The following CCNJL variants were observed in gnomAD, a reference collection of about 807,000 sequenced individuals.
CCNJL encodes cyclin J like, also known as cyclin-J-like protein.
In CCNJL, 33 loss-of-function variants were observed where a neutral mutation model predicts 33.4. The ratio of observed to expected loss-of-function variants is 0.99; its 90% confidence interval spans 0.75 to 1.32. The LOEUF is 1.32. Ranked by LOEUF, CCNJL falls within the 40% of genes most tolerant of loss-of-function variation. CCNJL has a pLI of 0.00. For synonymous variants in CCNJL, 227 were observed against 220.9 expected, an observed-to-expected ratio of 1.03 and a Z score of -0.24; for missense variants, 512 against 499.7, an observed-to-expected ratio of 1.02 and a Z score of -0.23.
chr5:160,278,479 T>C (rs570561917), intron 3 of CCNJL, among the ~76,000 whole-genome samples: 3 of 152,018 alleles, frequency 2.0e-5, no homozygotes, highest in Non-Finnish European at 4.4e-5. Flanking sequence ...GAGGGAAGAA[T>C]AGGATTTCAG....
At position 160,297,522 on chromosome 5, in the gene CCNJL, A is replaced by G. The variant is rs185448181; in HGVS notation, c.66+14336T>C. Among the ~76,000 whole-genome samples the G allele has an allele frequency of 4.2e-3, 633 of 152,152 alleles. 3 individuals carry two copies. Among genetic ancestry groups the G allele is most frequent in the South Asian group, 0.022 (106 of 4,820 alleles). On this transcript the variant is annotated intron_variant, in intron 2 of 5. Coordinates refer to ENST00000257536, the MANE Select transcript of CCNJL (RefSeq NM_001308173.3). The stretch of plus-strand genomic sequence containing the variant: ...AGAAACCACTTCAGAGCCCGTCTTA[A>G]AAGTAACCATGGCTGGGTGCAGTGG...
At chr5:160,288,652 C>T (rs1481903051) in intron 2 of CCNJL, among the ~76,000 whole-genome samples, 2 of 151,908 alleles carry the variant, frequency 1.3e-5, no homozygotes, top group Admixed American at 6.6e-5. Flanking sequence ...GGGCGGATCA[C>T]GAGGTCAGGA....
chr5:160,258,115 G>A (rs907111863), intron 4 of CCNJL: 4 of 303,384 alleles, frequency 1.3e-5, no homozygotes, highest in African/African-American at 8.8e-5. Flanking sequence ...CAAAGTGCTG[G>A]AATTATAAGC....
At chr5:160,260,134 C>A (rs1434214171) in intron 3 of CCNJL, among the ~76,000 whole-genome samples, 1 of 152,248 alleles carries the variant, frequency 6.6e-6, no homozygotes, top group Non-Finnish European at 1.5e-5. Flanking sequence ...TCAGCAGCAG[C>A]AGCCAGGGGC....
chr5:160,279,506 T>C (rs1443797173), intron 3 of CCNJL, among the ~76,000 whole-genome samples: 1 of 152,208 alleles, frequency 6.6e-6, no homozygotes, highest in African/African-American at 2.4e-5. Context: ...TTTCCATCCC[T>C]GAAACTTGCT....
intron 3 of CCNJL, among the ~76,000 whole-genome samples, chr5:160,272,056 G>A (rs1346038292): frequency 2.6e-5 from 4 of 152,196 alleles, no homozygotes; most frequent in Admixed American, 2.6e-4. Context: ...CCTACAATTA[G>A]AGCCGTGGAG....
rs748343543 is a variant in CCNJL, at chr5:160,249,214, C to T, written c.*4164G>A. On this transcript the variant is annotated 3_prime_UTR_variant, in exon 6 of 6. Coordinates refer to ENST00000257536, the MANE Select transcript of CCNJL (RefSeq NM_001308173.3). ...TACATCCAGAAAGGACACTTGCATG[C>T]TAGTTTATCTATGGTCAGTTGTGGA... is the stretch of plus-strand genomic sequence containing the variant. The T allele has an allele frequency of 6.6e-6, 1 of 152,146 alleles. No individual in the cohort carries two copies. Among genetic ancestry groups the T allele is most frequent in the Non-Finnish European group, 1.5e-5 (1 of 68,032 alleles). 9.4% of individuals were successfully genotyped at this position (152,146 alleles called of 1,614,324 possible).
rs765517663 is a variant in CCNJL, at chr5:160,280,670, G to T, written c.135C>A (p.Ile45=). 6.2e-7 allele frequency: 1 copy of T among 1,613,538 alleles called. No homozygotes were observed. The highest frequency in any genetic ancestry group is 1.3e-5 in the African/African-American group (1 of 75,040). Residue 45 remains isoleucine, a synonymous_variant, in exon 3 of 6, where the codon ATC becomes ATA. Transcript: ENST00000257536. ...GGCAGTGGCTGCTCAGCAGGGTCAG[G>T]ATGTCCACGAAGAACCGGCGGCTCT... ...LLKSRRFFVD[I]LTLLSSHCQL... is the part of the protein sequence containing the mutation.
intron 2 of CCNJL, among the ~76,000 whole-genome samples, chr5:160,288,349 C>G (rs570598441): frequency 6.6e-6 from 1 of 152,258 alleles, no homozygotes; most frequent in South Asian, 2.1e-4. Context: ...TAGATACCCA[C>G]TGTGTTACAA....
At chr5:160,257,348 G>A (rs901481379) in intron 4 of CCNJL, among the ~76,000 whole-genome samples, 35 of 152,032 alleles carry the variant, frequency 2.3e-4, no homozygotes, top group Non-Finnish European at 3.7e-4. Flanking sequence ...GGTGGCGGGC[G>A]CCTGTAATCC....
At chr5:160,298,236 T>G (rs1423753156) in intron 2 of CCNJL, among the ~76,000 whole-genome samples, 1 of 152,126 alleles carries the variant, frequency 6.6e-6, no homozygotes, top group Non-Finnish European at 1.5e-5. Flanking sequence ...GGTGCGCACC[T>G]GTAATCCCAG....
chr5:160,304,184 G>C (rs12658716), intron 2 of CCNJL, among the ~76,000 whole-genome samples: 16,671 of 152,244 alleles, frequency 0.11, 966 homozygotes, highest in South Asian at 0.14. Flanking sequence ...TGCACACACT[G>C]AGCATTTTGG....
chr5:160,323,019 G>T (rs1225265923), intron 1 of CCNJL, among the ~76,000 whole-genome samples: 1 of 151,816 alleles, frequency 6.6e-6, no homozygotes, highest in Non-Finnish European at 1.5e-5. Flanking sequence ...TGGATCACAA[G>T]GTCAGGAGCT....
intron 3 of CCNJL, among the ~76,000 whole-genome samples, chr5:160,280,078 T>G (rs779468828): frequency 6.6e-6 from 1 of 152,192 alleles, no homozygotes; most frequent in Non-Finnish European, 1.5e-5. Context: ...CAAAACACCT[T>G]ATGAACAGTG....
chr5:160,253,032 C>T lies in CCNJL; in HGVS notation c.*346G>A. 4.6e-6 allele frequency: 1 copy of T among 218,086 alleles called. No individual in the cohort carries two copies. The highest frequency in any genetic ancestry group is 8.9e-6 in the Non-Finnish European group (1 of 111,794). The allele number at this position is 218,086 out of a possible 1,614,324, so 13.5% of individuals were successfully genotyped here. ...ATAGAAAAGTCTTTAATGCTAAAAA[C>T]TGGACATGCTTGAGATCAGTGGTCT... On this transcript the variant is annotated 3_prime_UTR_variant, in exon 6 of 6. Transcript: ENST00000257536.
At chr5:160,267,039 C>T (rs1227965899) in intron 3 of CCNJL, among the ~76,000 whole-genome samples, 1 of 152,132 alleles carries the variant, frequency 6.6e-6, no homozygotes, top group African/African-American at 2.4e-5. Flanking sequence ...AGTTGGGTTG[C>T]AAGAGGCAGA....
intron 1 of CCNJL, among the ~76,000 whole-genome samples, chr5:160,324,695 A>C (rs1763513986): frequency 6.6e-6 from 1 of 152,034 alleles, no homozygotes. Context: ...TATGAAATTG[A>C]ATATATCATT....
At position 160,336,294 on chromosome 5, in the gene CCNJL, G is replaced by C. The variant is rs565495448; in HGVS notation, n.206+3151C>G. Reference sequence around the variant, plus strand: ...AGGGTCTTTGCAGATGTAATTAAGGGTCTTGAGGTGAGAAGATCTCTAAGA... The same window carrying C: ...AGGGTCTTTGCAGATGTAATTAAGGCTCTTGAGGTGAGAAGATCTCTAAGA... On this transcript the variant is annotated intron_variant and non_coding_transcript_variant, in intron 1 of 7. Coordinates refer to the CCNJL transcript ENST00000377503. Among the ~76,000 whole-genome samples, 14 of 152,320 alleles carry C rather than the reference G, an allele frequency of 9.2e-5. No homozygotes were observed. In the South Asian group the frequency reaches 2.9e-3, roughly 32 times the overall value.
At position 160,299,932 on chromosome 5, in the gene CCNJL, G is replaced by T. The variant is rs73308693; in HGVS notation, c.66+11926C>A. ...ATGACTGCACCATATTTTCATGCAT[G>T]GACGGACCGCAGTGTGGCCAATTTC... On this transcript the variant is annotated intron_variant, in intron 2 of 5. Transcript: ENST00000257536. Among the ~76,000 whole-genome samples, 247 of 151,884 alleles carry T rather than the reference G, an allele frequency of 1.6e-3. 2 individuals are homozygous for T. The highest frequency in any genetic ancestry group is 5.8e-3 in the African/African-American group (239 of 41,360).
Sources: gnomAD v4.1 joint callset for allele counts (sites outside exome capture counted in the v4.1 genomes callset) on GRCh38, gnomAD v4.1.1 for gene constraint, MANE v1.5 for transcripts, NCBI Gene and HGNC (gene_info 2026-07-23, HGNC 2026-07-21) for gene names.